The following RYR2 variants were observed in gnomAD, a reference collection of about 807,000 sequenced individuals.
The protein encoded by RYR2 is ryanodine receptor 2.
RYR2 carries 227 observed loss-of-function variants against 601.1 expected under a neutral mutation model. The observed-to-expected ratio is 0.38, with a 90% confidence interval of 0.34 to 0.42. The LOEUF is 0.42. Among genes scored for constraint, RYR2 ranks in the 10% least tolerant of loss-of-function variants. The pLI is 1.00. For synonymous variants in RYR2, 2,223 were observed against 2,175.1 expected, an observed-to-expected ratio of 1.02 and a Z score of -0.61; for missense variants, 4,646 against 6,156.5, an observed-to-expected ratio of 0.75 and a Z score of 8.21.
At chr1:237,407,324 T>A (rs1183514142) in intron 10 of RYR2, among the ~76,000 whole-genome samples, 2 of 151,846 alleles carry the variant, frequency 1.3e-5, no homozygotes, top group East Asian at 3.8e-4. Flanking sequence ...AGAAGCACAA[T>A]TGGTGAATCC....
At chr1:237,682,451 A>G (rs555230237) in intron 62 of RYR2, among the ~76,000 whole-genome samples, 34 of 152,292 alleles carry the variant, frequency 2.2e-4, no homozygotes, top group African/African-American at 8.2e-4. Flanking sequence ...GACCACATGT[A>G]TGATAGTGGC....
At chr1:237,327,447 C>T (rs1043339316) in intron 2 of RYR2, among the ~76,000 whole-genome samples, 3 of 152,162 alleles carry the variant, frequency 2.0e-5, no homozygotes, top group Admixed American at 1.3e-4. Context: ...TGAGATATTA[C>T]AGCAATCCTT....
intron 80 of RYR2, chr1:237,743,560 T>C (rs556378080): frequency 1.9e-6 from 1 of 518,666 alleles, no homozygotes; most frequent in East Asian, 5.5e-5. Context: ...AGAGCAATTG[T>C]TTATTGCTAT....
Position 237,569,182 on chromosome 1 carries a change from G to A in RYR2, c.3461G>A (p.Arg1154His), listed in dbSNP as rs530867686. Residue 1154 changes from arginine to histidine, a missense_variant, in exon 29 of 105, where the codon CGC (arginine) becomes CAC (histidine). Coordinates refer to ENST00000366574, the MANE Select transcript of RYR2 (RefSeq NM_001035.3). ...RWHQGNEHYG[R>H]SWQAGDVVGC... Reference sequence around the variant, plus strand: ...CATCAGGGCAATGAACACTATGGGCGCTCTTGGCAAGCAGGCGATGTCGTG... The same window carrying A: ...CATCAGGGCAATGAACACTATGGGCACTCTTGGCAAGCAGGCGATGTCGTG... 1.4e-5 allele frequency: 23 copies of A among 1,613,830 alleles called. No individual in the cohort carries two copies. The highest frequency in any genetic ancestry group is 4.4e-5 in the South Asian group (4 of 91,068).
At chr1:237,765,313 A>C (rs926657024) in intron 84 of RYR2, among the ~76,000 whole-genome samples, 6 of 121,854 alleles carry the variant, frequency 4.9e-5, no homozygotes, top group African/African-American at 2.5e-4. Context: ...AGCAGAAGAT[A>C]CTGAATTTTT....
At chr1:237,555,215 C>T (rs1036732358) in intron 27 of RYR2, 1 of 152,096 alleles carries the variant, frequency 6.6e-6, no homozygotes, top group African/African-American at 2.4e-5. Context: ...TATTCACTAA[C>T]ATTGCCTTAT....
chr1:237,077,392 AG>A (rs1665102244), intron 1 of RYR2, among the ~76,000 whole-genome samples: 1 of 129,074 alleles, frequency 7.7e-6, no homozygotes, highest in Non-Finnish European at 1.7e-5. Flanking sequence ...TCTCACATGC[AG>A]AGACACACAT....
At chr1:237,502,974 C>T (rs191454763) in intron 21 of RYR2, among the ~76,000 whole-genome samples, 10 of 152,196 alleles carry the variant, frequency 6.6e-5, no homozygotes, top group Middle Eastern at 3.4e-3. Context: ...CCAGTTATTA[C>T]GGACATGCAC....
intron 3 of RYR2, among the ~76,000 whole-genome samples, chr1:237,336,002 T>C (rs1024719651): frequency 2.6e-5 from 4 of 152,212 alleles, no homozygotes; most frequent in African/African-American, 9.6e-5. Context: ...GTAACTTATA[T>C]CTTATAAAGG....
chr1:237,364,641 A>G (rs1700052443), intron 5 of RYR2, among the ~76,000 whole-genome samples: 1 of 152,168 alleles, frequency 6.6e-6, no homozygotes, highest in South Asian at 2.1e-4. Context: ...TTAAATTTAG[A>G]TAAATCACGT....
chr1:237,519,836 A>G (rs1467536972), intron 24 of RYR2, among the ~76,000 whole-genome samples: 2 of 152,120 alleles, frequency 1.3e-5, no homozygotes, highest in Admixed American at 6.5e-5. Context: ...GCATTTTGAT[A>G]TGAGTTGCAT....
intron 1 of RYR2, among the ~76,000 whole-genome samples, chr1:237,208,313 A>G (rs932904558): frequency 2.0e-5 from 3 of 152,212 alleles, no homozygotes; most frequent in African/African-American, 2.4e-5. Flanking sequence ...TCAAGACATC[A>G]GGCTAATGTG....
At chr1:237,062,375 A>G (rs996309319) in intron 1 of RYR2, among the ~76,000 whole-genome samples, 1 of 152,186 alleles carries the variant, frequency 6.6e-6, no homozygotes, top group African/African-American at 2.4e-5. Context: ...AACATGGTAT[A>G]TCTTTCTTTT....
At chr1:237,091,876 G>A (rs553202520) in intron 1 of RYR2, among the ~76,000 whole-genome samples, 3 of 152,332 alleles carry the variant, frequency 2.0e-5, no homozygotes, top group South Asian at 4.1e-4. Flanking sequence ...AAGGTGCCCT[G>A]GAAGCAGAAA....
Position 237,589,931 on chromosome 1 carries a change from A to T in RYR2, c.3737A>T (p.Asp1246Val). The T allele has an allele frequency of 1.2e-6, 2 of 1,613,940 alleles. No individual in the cohort carries two copies. Among genetic ancestry groups the T allele is most frequent in the Non-Finnish European group, 1.7e-6 (2 of 1,179,862 alleles). ...YEPFAVNTNR[D>V]ITMWLSKRLP... ...CCATTTGCCGTTAATACAAACAGGG[A>T]TATTACCATGTGGCTGAGCAAGAGG... Residue 1246 changes from aspartate to valine, a missense_variant, in exon 30 of 105, where the codon GAT becomes GTT. Physicochemically the swap from Asp to Val is radical, Grantham distance 152. This residue lies in a region of RYR2 where 1,807 missense variants were observed against 2,088.1 expected (regional missense o/e 0.87). Coordinates refer to ENST00000366574, the MANE Select transcript of RYR2 (RefSeq NM_001035.3).
intron 1 of RYR2, among the ~76,000 whole-genome samples, chr1:237,175,983 G>C (rs1183243115): frequency 6.6e-6 from 1 of 152,080 alleles, no homozygotes; most frequent in Non-Finnish European, 1.5e-5. Context: ...TGTCATCCCA[G>C]CACATTGGGA....
intron 3 of RYR2, 81 bp from the exon 4 acceptor site, chr1:237,355,884 C>A: frequency 8.0e-7 from 1 of 1,250,836 alleles, no homozygotes; most frequent in South Asian, 1.3e-5. Context: ...AAATTGATAT[C>A]AATTCATTTA....
chr1:237,760,939 T>C lies in RYR2; in HGVS notation c.11403-16T>C, dbSNP rs560731755. ...TATTAGTCCTCTAAATGTTTTTTTTTCCCTTGTTATTATAGTGTCCTTGAC... is the reference window on the plus strand; with the variant it reads ...TATTAGTCCTCTAAATGTTTTTTTTCCCCTTGTTATTATAGTGTCCTTGAC... On this transcript the variant is annotated splice_polypyrimidine_tract_variant and intron_variant, in intron 83 of 104. Coordinates refer to ENST00000366574, the MANE Select transcript of RYR2 (RefSeq NM_001035.3). The C allele has an allele frequency of 2.9e-5, 45 of 1,527,458 alleles. No individual in the cohort carries two copies. Among genetic ancestry groups the C allele is most frequent in the African/African-American group, 8.3e-5 (6 of 72,304 alleles). The allele number at this position is 1,527,458 out of a possible 1,614,324, so 94.6% of individuals were successfully genotyped here.
chr1:237,058,862 G>A (rs1285926504), intron 1 of RYR2, among the ~76,000 whole-genome samples: 2 of 151,852 alleles, frequency 1.3e-5, no homozygotes, highest in African/African-American at 4.8e-5. Context: ...GGGAGATAGC[G>A]CCTCACATTT....
Sources: gnomAD v4.1 joint callset for allele counts (sites outside exome capture counted in the v4.1 genomes callset) on GRCh38, gnomAD v4.1.1 for gene constraint, gnomAD v4.1.1 regional missense constraint, MANE v1.5 for transcripts, NCBI Gene and HGNC (gene_info 2026-07-23, HGNC 2026-07-21) for gene names.